OTUD7A: variants seen among roughly 807,000 people sequenced by gnomAD.
OTUD7A encodes OTU domain-containing protein 7A.
Under a neutral mutation model 65.7 loss-of-function variants are expected in OTUD7A, and 12 were observed. The ratio of observed to expected loss-of-function variants is 0.18; its 90% confidence interval spans 0.12 to 0.30. The LOEUF (loss-of-function observed/expected upper bound fraction) is 0.30. Ranked by LOEUF, OTUD7A falls within the 10% of genes least tolerant of loss-of-function variation. The probability of loss-of-function intolerance (pLI) is 1.00; values close to 1 mark genes in which losing one functional copy is unlikely to be tolerated. For synonymous variants in OTUD7A, 641 were observed against 586.3 expected, an observed-to-expected ratio of 1.09 and a Z score of -1.35; for missense variants, 1,148 against 1,304.8, an observed-to-expected ratio of 0.88 and a Z score of 1.85.
At chr15:31,762,749 C>T (rs1203786354) in intron 1 of OTUD7A, among the ~76,000 whole-genome samples, 1 of 152,148 alleles carries the variant, frequency 6.6e-6, no homozygotes, top group Non-Finnish European at 1.5e-5. Flanking sequence ...ATGTAGATTG[C>T]CTGATAAAAC....
At chr15:31,572,362 T>A (rs1400761786) in intron 3 of OTUD7A, among the ~76,000 whole-genome samples, 1 of 152,190 alleles carries the variant, frequency 6.6e-6, no homozygotes, top group African/African-American at 2.4e-5. Context: ...TTAACCAAAA[T>A]AATTCAAAGA....
Position 31,479,707 on chromosome 15 carries a change from C to A in OTUD7A, c.*3587G>T, listed in dbSNP as rs961030490. On this transcript the variant is annotated 3_prime_UTR_variant, in exon 13 of 13. Coordinates refer to ENST00000307050, the MANE Select transcript of OTUD7A (RefSeq NM_001382637.1). ...CCATGACCCCTCCCCAGAGACAGGGCGGGCTCTGCATGGAGGATGTCCACA... is the reference window on the plus strand; with the variant it reads ...CCATGACCCCTCCCCAGAGACAGGGAGGGCTCTGCATGGAGGATGTCCACA... 1 of 143,948 alleles carries A rather than the reference C, an allele frequency of 6.9e-6. No individual in the cohort carries two copies. The highest frequency in any genetic ancestry group is 2.0e-4 in the East Asian group (1 of 5,004). 8.9% of individuals were successfully genotyped at this position (143,948 alleles called of 1,614,324 possible). A position where few individuals can be genotyped will look rare whatever the true frequency, so the allele number is the denominator to read the frequency against.
chr15:31,787,214 G>A (rs1445215939), intron 1 of OTUD7A, among the ~76,000 whole-genome samples: 4 of 152,180 alleles, frequency 2.6e-5, no homozygotes, highest in African/African-American at 9.7e-5. Context: ...AAGGAAAAGG[G>A]CACTTGATGG....
rs1013777475 is a variant in OTUD7A at position 31,478,020 on chromosome 15, T to C, written c.*5274A>G. ...GGCTCTCTGGGGAAGAATGTTCAGGTAGAAGGAATGGCATGTGCAAAGGCC... is the reference window on the plus strand; with the variant it reads ...GGCTCTCTGGGGAAGAATGTTCAGGCAGAAGGAATGGCATGTGCAAAGGCC... On this transcript the variant is annotated 3_prime_UTR_variant, in exon 13 of 13. Transcript: ENST00000307050. 2.6e-5 allele frequency: 4 copies of C among 152,220 alleles called. No individual in the cohort carries two copies. The highest frequency in any genetic ancestry group is 9.7e-5 in the African/African-American group (4 of 41,418). The allele number at this position is 152,220 out of a possible 1,614,324, so 9.4% of individuals were successfully genotyped here. A position where few individuals can be genotyped will look rare whatever the true frequency, so the allele number is the denominator to read the frequency against.
chr15:31,861,285 C>A (rs1897734986), intron 1 of OTUD7A, among the ~76,000 whole-genome samples: 1 of 152,100 alleles, frequency 6.6e-6, no homozygotes. Flanking sequence ...TTTCTTTCCC[C>A]AGCCTGGACC....
At chr15:31,533,338 G>T (rs966741621) in intron 5 of OTUD7A, among the ~76,000 whole-genome samples, 25 of 150,892 alleles carry the variant, frequency 1.7e-4, no homozygotes, top group African/African-American at 6.1e-4. Context: ...TTAGGTTCAA[G>T]TGATTTTCCT....
intron 1 of OTUD7A, among the ~76,000 whole-genome samples, chr15:31,845,053 G>A (rs922056625): frequency 5.3e-5 from 8 of 152,216 alleles, no homozygotes; most frequent in African/African-American, 1.9e-4. Flanking sequence ...GTCGATAGGA[G>A]GCACCCTCCA....
intron 3 of OTUD7A, among the ~76,000 whole-genome samples, chr15:31,602,449 A>G (rs1890106115): frequency 6.6e-6 from 1 of 152,180 alleles, no homozygotes; most frequent in African/African-American, 2.4e-5. Context: ...TCAATGGAAC[A>G]TATCTCAAAA....
intron 1 of OTUD7A, chr15:31,787,812 G>A (rs978131372): frequency 6.6e-6 from 1 of 152,210 alleles, no homozygotes; most frequent in African/African-American, 2.4e-5. Context: ...AAGTTCTTTA[G>A]GCAACAGTTC....
In OTUD7A at chr15:31,620,701, T is replaced by C. The variant is rs1038857215; in HGVS notation, c.151+34395A>G. Among the ~76,000 whole-genome samples the C allele has an allele frequency of 3.2e-4, 36 of 113,100 alleles. 11 individuals carry two copies. The highest frequency in any genetic ancestry group is 1.9e-3 in the African/African-American group (36 of 18,600). 74.2% of individuals were successfully genotyped at this position (113,100 alleles called of 152,430 possible). On this transcript the variant is annotated intron_variant, in intron 3 of 12. Coordinates refer to ENST00000307050, the MANE Select transcript of OTUD7A (RefSeq NM_001382637.1). ...GCTAGCAGTCTATCAATTTTGTTGA[T>C]CCTTTCAAAAAACCAGCTCCTGGAT...
Position 31,511,093 on chromosome 15 carries a change from C to T in OTUD7A, c.894-7275G>A, listed in dbSNP as rs531382747. ...TATATGTATATCTATATGTAACATA[C>T]ATATGTATATCTATATGTAACATAC... is the stretch of plus-strand genomic sequence containing the variant. On this transcript the variant is annotated intron_variant, in intron 8 of 12. Coordinates refer to ENST00000307050, the MANE Select transcript of OTUD7A (RefSeq NM_001382637.1). Among the ~76,000 whole-genome samples, 8 of 15,078 alleles carry T rather than the reference C, an allele frequency of 5.3e-4. 2 individuals carry two copies. Among genetic ancestry groups the T allele is most frequent in the South Asian group, 8.4e-4 (1 of 1,184 alleles). The allele number at this position is 15,078 out of a possible 152,430, so 9.9% of individuals were successfully genotyped here.
At position 31,853,802 on chromosome 15, in the gene OTUD7A, G is replaced by A. The variant is rs981836447; in HGVS notation, c.-100+16705C>T. Among the ~76,000 whole-genome samples, 12 of 152,282 alleles carry A rather than the reference G, an allele frequency of 7.9e-5. No individual in the cohort carries two copies. In the East Asian group the frequency reaches 9.7e-4, roughly 12 times the overall value. On this transcript the variant is annotated intron_variant, in intron 1 of 12. Coordinates refer to ENST00000307050, the MANE Select transcript of OTUD7A (RefSeq NM_001382637.1). ...CAAACTTGAATCCAGTGTGCATCCC[G>A]CCCTGGCTTCACCCTCATCCTTCTT...
At chr15:31,676,309 A>G (rs547921609) in intron 1 of OTUD7A, among the ~76,000 whole-genome samples, 4 of 152,070 alleles carry the variant, frequency 2.6e-5, no homozygotes. Flanking sequence ...GCTCATGGCT[A>G]CAATGTGCTC....
intron 5 of OTUD7A, among the ~76,000 whole-genome samples, chr15:31,544,626 T>C (rs1407664229): frequency 1.3e-5 from 2 of 151,720 alleles, no homozygotes; most frequent in African/African-American, 4.8e-5. Context: ...TGTCTATGCA[T>C]CCACTAACAC....
intron 1 of OTUD7A, among the ~76,000 whole-genome samples, chr15:31,819,549 A>AT (rs1365832656): frequency 1.3e-5 from 2 of 152,232 alleles, no homozygotes; most frequent in African/African-American, 4.8e-5. Flanking sequence ...GGAAGGACAG[A>AT]TACCAGTATT....
chr15:31,798,563 C>T (rs771472430), intron 1 of OTUD7A, among the ~76,000 whole-genome samples: 5 of 152,114 alleles, frequency 3.3e-5, no homozygotes, highest in Admixed American at 1.3e-4. Flanking sequence ...AGTGCATGGG[C>T]CTGACAGTGA....
chr15:31,511,147 TGTATATCTATATGTAACATAC>T lies in OTUD7A; in HGVS notation c.894-7350_894-7330del, dbSNP rs1427341052. On this transcript the variant is annotated intron_variant, in intron 8 of 12. Coordinates refer to ENST00000307050, the MANE Select transcript of OTUD7A (RefSeq NM_001382637.1). The stretch of plus-strand genomic sequence containing the variant: ...TGTATATCTATATGTAACATACATA[TGTATATCTATATGTAACATAC>T]ATATGTATATCTATATGTAACACAC... Among the ~76,000 whole-genome samples, 9 of 25,506 alleles carry T rather than the reference TGTATATCTATATGTAACATAC, an allele frequency of 3.5e-4. 2 individuals are homozygous for T. Among genetic ancestry groups the T allele is most frequent in the African/African-American group, 5.2e-4 (2 of 3,832 alleles). 16.7% of individuals were successfully genotyped at this position (25,506 alleles called of 152,430 possible). A position where few individuals can be genotyped will look rare whatever the true frequency, so the allele number is the denominator to read the frequency against.
chr15:31,561,783 G>A lies in OTUD7A; in HGVS notation c.332-2596C>T, dbSNP rs1403020242. ...ATCATCTCTCTCACACACACACAGA[G>A]TCACACACACACACACACATTCACA... On this transcript the variant is annotated intron_variant, in intron 4 of 12. Coordinates refer to ENST00000307050, the MANE Select transcript of OTUD7A (RefSeq NM_001382637.1). Among the ~76,000 whole-genome samples, 3 of 73,212 alleles carry A rather than the reference G, an allele frequency of 4.1e-5. No individual in the cohort carries two copies. In the South Asian group the frequency reaches 1.1e-3, roughly 26 times the overall value. 48.0% of individuals were successfully genotyped at this position (73,212 alleles called of 152,430 possible).
rs187851303 is a variant in OTUD7A at position 31,639,069 on chromosome 15, G to A, written c.151+16027C>T. Among the ~76,000 whole-genome samples the A allele has an allele frequency of 2.9e-3, 438 of 152,124 alleles. 5 individuals carry two copies. The highest frequency in any genetic ancestry group is 0.01 in the African/African-American group (424 of 41,492). ...GAATGGCGTGAACCCGGGAGGCAGA[G>A]CTTGCAGTGAGACGAGCTCGCGCCA... is the stretch of plus-strand genomic sequence containing the variant. On this transcript the variant is annotated intron_variant, in intron 3 of 12. Coordinates refer to ENST00000307050, the MANE Select transcript of OTUD7A (RefSeq NM_001382637.1).
Sources: allele counts gnomAD v4.1 joint callset (sites outside exome capture counted in the v4.1 genomes callset), GRCh38; gene constraint gnomAD v4.1.1; transcripts MANE v1.5; gene names NCBI Gene and HGNC (gene_info 2026-07-23, HGNC 2026-07-21).